Variants in WWOX observed in about 807,000 individuals in gnomAD.
WWOX encodes the protein WW domain-containing oxidoreductase.
Under a neutral mutation model 46.2 loss-of-function variants are expected in WWOX, and 69 were observed. The ratio of observed to expected loss-of-function variants is 1.49; its 90% CI spans 1.23 to 1.82. The LOEUF (loss-of-function observed/expected upper bound fraction) is 1.82, where lower values mean the gene tolerates loss of function less well. Ranked by LOEUF, WWOX falls within the 40% of genes most tolerant of loss-of-function variation. The pLI is 0.00. For synonymous variants in WWOX, 359 were observed against 202.6 expected, an observed-to-expected ratio of 1.77 and a Z score of -6.56; for missense variants, 919 against 542.6, an observed-to-expected ratio of 1.69 and a Z score of -6.89.
rs115025017 is a variant in WWOX, at chr16:79,038,428, A to G, written c.1057-173180A>G. Among the ~76,000 whole-genome samples the G allele has an allele frequency of 9.5e-3, 1,441 of 152,306 alleles. 16 individuals carry two copies. The highest frequency in any genetic ancestry group is 0.032 in the African/African-American group (1,345 of 41,550). On this transcript the variant is annotated intron_variant, in intron 8 of 8. Transcript: ENST00000566780. Reference sequence around the variant, plus strand: ...GAAAAAATTACTAAGATATGTTTTAACATGCCCTAGACATGCACAGAAAAA... The same window carrying G: ...GAAAAAATTACTAAGATATGTTTTAGCATGCCCTAGACATGCACAGAAAAA...
chr16:78,976,611 G>C (rs2046577509), intron 8 of WWOX, among the ~76,000 whole-genome samples: 1 of 152,162 alleles, frequency 6.6e-6, no homozygotes, highest in Non-Finnish European at 1.5e-5. Flanking sequence ...GCGTTTCCAA[G>C]CCTGAACATC....
chr16:79,169,590 G>T (rs1374488258), intron 8 of WWOX, among the ~76,000 whole-genome samples: 1 of 152,206 alleles, frequency 6.6e-6, no homozygotes, highest in Non-Finnish European at 1.5e-5. Flanking sequence ...GGAATTTTGA[G>T]AATGTGCTTC....
At chr16:78,984,598 T>C (rs940681673) in intron 8 of WWOX, among the ~76,000 whole-genome samples, 1 of 152,220 alleles carries the variant, frequency 6.6e-6, no homozygotes, top group African/African-American at 2.4e-5. Context: ...GGAGAGATAC[T>C]GACATACTTC....
intron 8 of WWOX, among the ~76,000 whole-genome samples, chr16:78,577,007 C>T (rs946094899): frequency 6.6e-6 from 1 of 152,156 alleles, no homozygotes; most frequent in African/African-American, 2.4e-5. Flanking sequence ...AACAAATCAC[C>T]CCAAAATTCA....
intron 6 of WWOX, among the ~76,000 whole-genome samples, chr16:78,394,231 C>T (rs1194835299): frequency 2.6e-5 from 4 of 152,146 alleles, no homozygotes; most frequent in African/African-American, 9.7e-5. Flanking sequence ...GTTTGCCTAA[C>T]AGAAGATCAT....
At chr16:79,152,379 A>T (rs561136359) in intron 8 of WWOX, among the ~76,000 whole-genome samples, 1 of 152,134 alleles carries the variant, frequency 6.6e-6, no homozygotes, top group Non-Finnish European at 1.5e-5. Context: ...GCTTTAAAAA[A>T]CCAACTGCCC....
At chr16:78,217,745 G>C (rs77343983) in intron 5 of WWOX, among the ~76,000 whole-genome samples, 1 of 152,140 alleles carries the variant, frequency 6.6e-6, no homozygotes, top group South Asian at 2.1e-4. Context: ...ACTTACCGGG[G>C]AAGGGGGTGT....
intron 8 of WWOX, among the ~76,000 whole-genome samples, chr16:79,178,936 A>G (rs886828527): frequency 4.6e-5 from 7 of 152,192 alleles, no homozygotes; most frequent in African/African-American, 1.7e-4. Flanking sequence ...TATATTTCCC[A>G]TTGACTATGC....
chr16:78,864,355 C>A (rs547393505), intron 8 of WWOX, among the ~76,000 whole-genome samples: 2 of 151,758 alleles, frequency 1.3e-5, no homozygotes, highest in African/African-American at 4.8e-5. Context: ...CAGCCTCGAT[C>A]TCCTGGGGCT....
intron 4 of WWOX, among the ~76,000 whole-genome samples, chr16:78,148,054 G>A (rs1418806297): frequency 6.6e-6 from 1 of 152,066 alleles, no homozygotes; most frequent in Non-Finnish European, 1.5e-5. Flanking sequence ...ATGGTGAAAG[G>A]AAATCCTGTA....
chr16:79,009,373 T>A (rs1323431859), intron 8 of WWOX, among the ~76,000 whole-genome samples: 8 of 152,144 alleles, frequency 5.3e-5, no homozygotes, highest in Non-Finnish European at 1.2e-4. Flanking sequence ...CTTATGGAGC[T>A]CTAACTGGGG....
chr16:78,632,646 C>T (rs2046462314), intron 8 of WWOX, among the ~76,000 whole-genome samples: 1 of 148,230 alleles, frequency 6.7e-6, no homozygotes, highest in Non-Finnish European at 1.5e-5. Flanking sequence ...GCAACCTCTG[C>T]CTCCCATATT....
chr16:78,677,610 A>C (rs927561136), intron 8 of WWOX, among the ~76,000 whole-genome samples: 10 of 152,188 alleles, frequency 6.6e-5, no homozygotes, highest in Non-Finnish European at 1.0e-4. Flanking sequence ...AGTGTGGGAC[A>C]CCTGACTTTC....
intron 8 of WWOX, among the ~76,000 whole-genome samples, chr16:79,072,117 T>C (rs2048562481): frequency 6.6e-6 from 1 of 151,994 alleles, no homozygotes; most frequent in South Asian, 2.1e-4. Context: ...ACTCCATCTC[T>C]ACAAAAAAAG....
intron 8 of WWOX, among the ~76,000 whole-genome samples, chr16:78,702,046 A>AT (rs2048232458): frequency 3.3e-5 from 3 of 91,438 alleles, no homozygotes; most frequent in Non-Finnish European, 6.5e-5. Context: ...TATATATATA[A>AT]AATAATGCAG....
At chr16:78,806,836 C>G (rs945434476) in intron 8 of WWOX, among the ~76,000 whole-genome samples, 1 of 152,154 alleles carries the variant, frequency 6.6e-6, no homozygotes, top group African/African-American at 2.4e-5. Context: ...GCCATGGCCA[C>G]TTTTGAAAGA....
intron 8 of WWOX, among the ~76,000 whole-genome samples, chr16:78,543,949 A>C (rs1262601053): frequency 8.5e-5 from 13 of 152,168 alleles, no homozygotes; most frequent in Admixed American, 8.5e-4. Flanking sequence ...TCTTGTCAAA[A>C]AAAGAGGTTA....
intron 8 of WWOX, among the ~76,000 whole-genome samples, chr16:78,850,163 AGT>A (rs1031014691): frequency 2.6e-5 from 4 of 151,824 alleles, no homozygotes; most frequent in African/African-American, 7.2e-5. Flanking sequence ...AGTGTGTGTG[AGT>A]GTGTGTGTGT....
At chr16:79,002,424 A>T (rs555934677) in intron 8 of WWOX, among the ~76,000 whole-genome samples, 1 of 151,728 alleles carries the variant, frequency 6.6e-6, no homozygotes, top group Non-Finnish European at 1.5e-5. Context: ...GGGTTTTGAC[A>T]TGTTGCCAGG....
Sources: gnomAD v4.1 joint callset for allele counts (sites outside exome capture counted in the v4.1 genomes callset) on GRCh38, gnomAD v4.1.1 for gene constraint, MANE v1.5 for transcripts, NCBI Gene and HGNC (gene_info 2026-07-23, HGNC 2026-07-21) for gene names.